The following SETD5 variants were observed in gnomAD, a reference collection of about 807,000 sequenced individuals.
SETD5 encodes histone-lysine N-methyltransferase SETD5.
Under a neutral mutation model 153.3 loss-of-function variants are expected in SETD5, and 44 were observed. The ratio of observed to expected loss-of-function variants is 0.29; its 90% confidence interval spans 0.23 to 0.37. SETD5 has a LOEUF of 0.37. Ranked by LOEUF, SETD5 falls within the 10% of genes least tolerant of loss-of-function variation. The pLI, the probability that SETD5 is intolerant of heterozygous loss-of-function variation, is 1.00. For missense variants in SETD5, 1,544 were observed against 1,768.0 expected, an observed-to-expected ratio of 0.87 and a Z score of 2.27; for synonymous variants, 716 against 645.2, an observed-to-expected ratio of 1.11 and a Z score of -1.66.
chr3:9,446,423 T>A (rs1023170310), intron 13 of SETD5, among the ~76,000 whole-genome samples: 20 of 152,034 alleles, frequency 1.3e-4, no homozygotes, highest in African/African-American at 4.8e-4. Context: ...ACCCTTTTAG[T>A]CATATGAACT....
At chr3:9,405,434 T>G (rs1184779654) in intron 1 of SETD5, among the ~76,000 whole-genome samples, 1 of 152,258 alleles carries the variant, frequency 6.6e-6, no homozygotes, top group Non-Finnish European at 1.5e-5. Context: ...AACATAAATT[T>G]TTCATGTCTT....
chr3:9,470,654 G>T lies in SETD5; in HGVS notation c.2920G>T (p.Asp974Tyr). The T allele has an allele frequency of 1.9e-6, 3 of 1,613,970 alleles. No homozygotes were observed. The highest frequency in any genetic ancestry group is 2.5e-6 in the Non-Finnish European group (3 of 1,179,884). The change falls in exon 19 of 23, where the codon GAC (aspartate) becomes TAC (tyrosine). Residue 974 changes from aspartate (D) to tyrosine (Y), a missense_variant. By Grantham distance (160) the Asp-to-Tyr change is radical. Around this residue, in one of 9 missense-constraint regions of SETD5, gnomAD observed 782 missense variants for 787.2 expected, o/e 0.99. Transcript: ENST00000402198. ...DGHQTLVRNSDQAFRTEFNLM... is the reference protein window; with the variant it reads ...DGHQTLVRNSYQAFRTEFNLM... Reference sequence around the variant, plus strand: ...ACATCAGACCCTCGTGAGAAACTCAGACCAGGCATTTCGGACAGAGTTCAA... The same window carrying T: ...ACATCAGACCCTCGTGAGAAACTCATACCAGGCATTTCGGACAGAGTTCAA...
intron 17 of SETD5, among the ~76,000 whole-genome samples, chr3:9,455,358 G>A (rs1162970730): frequency 6.6e-6 from 1 of 151,018 alleles, no homozygotes; most frequent in African/African-American, 2.4e-5. Context: ...CGCCCACCTC[G>A]GCTTCCCAAA....
At chr3:9,448,270 T>C in intron 15 of SETD5, 118 bp from the exon 16 acceptor site, 1 of 1,441,756 alleles carries the variant, frequency 6.9e-7, no homozygotes, top group Non-Finnish European at 9.2e-7. Flanking sequence ...AGTTGCTCAA[T>C]TCATTCTTAC....
chr3:9,398,648 T>C (rs756065233), intron 1 of SETD5: 1 of 152,276 alleles, frequency 6.6e-6, no homozygotes, highest in African/African-American at 2.4e-5. Flanking sequence ...TTTACTTGCC[T>C]TGGGCGTGGA....
At chr3:9,425,696 C>T (rs947366257) in intron 2 of SETD5, among the ~76,000 whole-genome samples, 2 of 151,844 alleles carry the variant, frequency 1.3e-5, no homozygotes, top group African/African-American at 4.8e-5. Context: ...GTGCCTCAGC[C>T]TCCCAAGTAG....
Position 9,409,603 on chromosome 3 carries a change from C to T in SETD5, c.-177+11626C>T, listed in dbSNP as rs140912365. Among the ~76,000 whole-genome samples the T allele has an allele frequency of 2.8e-4, 42 of 152,152 alleles. No individual in the cohort carries two copies. In the East Asian group the frequency reaches 7.3e-3, roughly 27 times the overall value. Reference sequence around the variant, plus strand: ...AATTTTGTACATTTTTTGCCCCAAACCTGGAATCAGCCATTTCTGCAGAAA... The same window carrying T: ...AATTTTGTACATTTTTTGCCCCAAATCTGGAATCAGCCATTTCTGCAGAAA... On this transcript the variant is annotated intron_variant, in intron 1 of 22. Transcript: ENST00000402198.
chr3:9,420,175 T>C (rs2038157401), intron 1 of SETD5, among the ~76,000 whole-genome samples: 2 of 152,218 alleles, frequency 1.3e-5, no homozygotes, highest in African/African-American at 2.4e-5. Flanking sequence ...TTATCATTGT[T>C]AAATGGGTTG....
chr3:9,440,584 G>T lies in SETD5; in HGVS notation c.696G>T (p.Ala232=), dbSNP rs751297371. ...AGTACAGTGCAGATGTACAGAACGC[G>T]CTTGAACAACACCTACATTCTAGCA... The part of the protein sequence containing the change: ...TNQYSADVQN[A]LEQHLHSSKE... Residue 232 remains alanine (A), a synonymous_variant, in exon 8 of 23, where the codon GCG becomes GCT. Coordinates refer to ENST00000402198, the MANE Select transcript of SETD5 (RefSeq NM_001080517.3). The T allele has an allele frequency of 1.9e-6, 3 of 1,613,822 alleles. No homozygotes were observed. Among genetic ancestry groups the T allele is most frequent in the African/African-American group, 1.3e-5 (1 of 74,920 alleles).
At chr3:9,435,291 T>C (rs1400035870) in intron 6 of SETD5, among the ~76,000 whole-genome samples, 1 of 148,418 alleles carries the variant, frequency 6.7e-6, no homozygotes, top group Non-Finnish European at 1.5e-5. Context: ...GTTCCCATGG[T>C]CCCCCAGCCA....
In SETD5 at chr3:9,440,638, A is replaced by C; in HGVS notation, c.750A>C (p.Leu250Phe). 1 of 1,613,924 alleles carries C rather than the reference A, an allele frequency of 6.2e-7. No individual in the cohort carries two copies. Among genetic ancestry groups the C allele is most frequent in the Non-Finnish European group, 8.5e-7 (1 of 1,179,844 alleles). ...SKEFVGKPTILDTINKTELAC... is the reference protein window; with the variant it reads ...SKEFVGKPTIFDTINKTELAC... ...AATTTGTGGGCAAACCTACTATTTT[A>C]GACACTATTAATAAGACTGAATTGG... is the stretch of plus-strand genomic sequence containing the variant. Residue 250 changes from leucine to phenylalanine, a missense_variant, in exon 8 of 23, where the codon TTA becomes TTC. Leu to Phe is a conservative substitution (Grantham distance 22, BLOSUM62 0). Coordinates refer to ENST00000402198, the MANE Select transcript of SETD5 (RefSeq NM_001080517.3).
At position 9,470,428 on chromosome 3, in the gene SETD5, C is replaced by A. The variant is rs779844415; in HGVS notation, c.2725-31C>A. 4.6e-5 allele frequency: 72 copies of A among 1,562,698 alleles called. No homozygotes were observed. The South Asian group carries it at 7.2e-4, about 16-fold the overall frequency. ...TTTGACTTTTTCCTTTCTCCCCTAC[C>A]CCATGTCTCCGTTGATTTTTATTCT... On this transcript the variant is annotated intron_variant, in intron 18 of 22. Transcript: ENST00000402198.
chr3:9,471,344 T>C (rs1050993246), intron 19 of SETD5, among the ~76,000 whole-genome samples: 2 of 152,106 alleles, frequency 1.3e-5, no homozygotes, highest in Admixed American at 1.3e-4. Context: ...AGCTAGTAAA[T>C]GGAAGGACCA....
intron 18 of SETD5, among the ~76,000 whole-genome samples, chr3:9,466,195 G>A (rs1405206430): frequency 2.0e-5 from 3 of 150,910 alleles, no homozygotes; most frequent in Non-Finnish European, 4.4e-5. Flanking sequence ...GGCTGAGGCA[G>A]GAGAATGGCG....
intron 3 of SETD5, chr3:9,429,934 A>G: frequency 7.7e-7 from 1 of 1,301,892 alleles, no homozygotes; most frequent in Non-Finnish European, 1.0e-6. Context: ...CACCCCCAGA[A>G]GCCAAGTCTA....
intron 8 of SETD5, among the ~76,000 whole-genome samples, chr3:9,441,066 A>C (rs960742667): frequency 1.3e-5 from 2 of 152,110 alleles, no homozygotes; most frequent in African/African-American, 4.8e-5. Flanking sequence ...AAAAATTAAA[A>C]GCCGTTGTGA....
intron 17 of SETD5, among the ~76,000 whole-genome samples, chr3:9,456,527 G>T (rs2043268697): frequency 6.6e-6 from 1 of 151,226 alleles, no homozygotes; most frequent in Non-Finnish European, 1.5e-5. Flanking sequence ...TGTAAAATGG[G>T]AATAGCAATA....
At chr3:9,416,748 G>A (rs1404998975) in intron 1 of SETD5, among the ~76,000 whole-genome samples, 1 of 152,048 alleles carries the variant, frequency 6.6e-6, no homozygotes, top group Non-Finnish European at 1.5e-5. Flanking sequence ...GGATAAACAA[G>A]GGATAGCTCC....
At chr3:9,470,438 C>G in intron 18 of SETD5, 21 bp from the exon 19 acceptor site, 1 of 1,589,818 alleles carries the variant, frequency 6.3e-7, no homozygotes, top group Non-Finnish European at 8.6e-7. Flanking sequence ...CCCATGTCTC[C>G]GTTGATTTTT....
Sources: allele counts gnomAD v4.1 joint callset (sites outside exome capture counted in the v4.1 genomes callset), GRCh38; gene constraint gnomAD v4.1.1; regional missense constraint gnomAD v4.1.1; transcripts MANE v1.5; gene names NCBI Gene and HGNC (gene_info 2026-07-23, HGNC 2026-07-21).